Variants in CCDC150 observed in about 807,000 individuals in gnomAD.
CCDC150 encodes coiled-coil domain-containing protein 150.
Under a neutral mutation model 156.5 loss-of-function variants are expected in CCDC150, and 151 were observed. The observed-to-expected ratio is 0.97, with a 90% CI of 0.85 to 1.10. The LOEUF (loss-of-function observed/expected upper bound fraction) is 1.10. Ranked by LOEUF, CCDC150 falls within the 50% of genes least tolerant of loss-of-function variation. The probability of loss-of-function intolerance (pLI) is 0.00; values close to 1 mark genes in which losing one functional copy is unlikely to be tolerated. For synonymous variants in CCDC150, 452 were observed against 429.4 expected (o/e 1.05, Z -0.65); for missense variants, 1,312 against 1,268.1 (o/e 1.03, Z -0.53).
Position 196,640,746 on chromosome 2 carries a change from C to T in CCDC150, c.12+968C>T, listed in dbSNP as rs1398930904. Among the ~76,000 whole-genome samples, 5 of 152,212 alleles carry T rather than the reference C, an allele frequency of 3.3e-5. No individual in the cohort carries two copies. In the East Asian group the frequency reaches 9.6e-4, roughly 29 times the overall value. On this transcript the variant is annotated intron_variant, in intron 1 of 27. Transcript: ENST00000389175. Reference sequence around the variant, plus strand: ...TCTTTCAAGTATATCTAACCACTAACCACTTCTTACAGTAGGAATACCGCT... The same window carrying T: ...TCTTTCAAGTATATCTAACCACTAATCACTTCTTACAGTAGGAATACCGCT...
chr2:196,667,042 A>G (rs991718323), intron 7 of CCDC150, 194 bp downstream of exon 7: 24 of 600,374 alleles, frequency 4.0e-5, no homozygotes, highest in Non-Finnish European at 6.2e-5. Context: ...AATATATTTG[A>G]CCCTGTTAAT....
chr2:196,706,654 A>G (rs181106154), intron 15 of CCDC150, among the ~76,000 whole-genome samples: 27 of 152,318 alleles, frequency 1.8e-4, no homozygotes, highest in Admixed American at 1.2e-3. Context: ...TCAGTTTTTC[A>G]TAAATAGCTC....
chr2:196,682,079 T>A (rs767171431), intron 13 of CCDC150, among the ~76,000 whole-genome samples: 25 of 151,976 alleles, frequency 1.6e-4, no homozygotes, highest in Non-Finnish European at 3.5e-4. Flanking sequence ...AAAATTTTTT[T>A]AATAGTTTTA....
chr2:196,713,357 A>G (rs1186832566), intron 17 of CCDC150: 2 of 1,461,280 alleles, frequency 1.4e-6, no homozygotes, highest in Non-Finnish European at 9.0e-7. Context: ...ATAATTGACG[A>G]TGCCTCTAAG....
Position 196,718,534 on chromosome 2 carries a change from A to T in CCDC150, c.1898A>T (p.Glu633Val). The T allele has an allele frequency of 6.2e-7, 1 of 1,612,860 alleles. No homozygotes were observed. Among genetic ancestry groups the T allele is most frequent in the Non-Finnish European group, 8.5e-7 (1 of 1,179,258 alleles). Residue 633 changes from glutamate to valine, a missense_variant, in exon 18 of 28, where the codon GAG (glutamate) becomes GTG (valine). Glu to Val is a moderately radical substitution (Grantham distance 121). Coordinates refer to ENST00000389175, the MANE Select transcript of CCDC150 (RefSeq NM_001080539.2). ...VKSILERSKEELSRTVKCRNA... is the reference protein window; with the variant it reads ...VKSILERSKEVLSRTVKCRNA... ...TCTATTCTTGAAAGAAGTAAAGAGG[A>T]GCTGTCCCGAACAGTGAAGTGTCGT...
chr2:196,648,065 A>G (rs1051188123), intron 2 of CCDC150, among the ~76,000 whole-genome samples: 2 of 152,060 alleles, frequency 1.3e-5, no homozygotes, highest in Non-Finnish European at 1.5e-5. Flanking sequence ...TTGTTTCTAT[A>G]TCTTGGCTAT....
intron 17 of CCDC150, among the ~76,000 whole-genome samples, chr2:196,716,074 T>G (rs2125698325): frequency 6.6e-6 from 1 of 152,326 alleles, no homozygotes; most frequent in South Asian, 2.1e-4. Flanking sequence ...TCAGCAAAGT[T>G]ATGTGGCTGG....
chr2:196,731,554 C>T (rs1698526063), intron 26 of CCDC150, among the ~76,000 whole-genome samples: 1 of 151,370 alleles, frequency 6.6e-6, no homozygotes, highest in African/African-American at 2.4e-5. Context: ...GCACCATGCC[C>T]AGCTAATTTT....
chr2:196,673,290 G>A (rs1255123890), intron 9 of CCDC150, among the ~76,000 whole-genome samples: 2 of 152,156 alleles, frequency 1.3e-5, no homozygotes, highest in Non-Finnish European at 2.9e-5. Context: ...GATGTACAGA[G>A]AAGTTCAGGA....
At chr2:196,676,414 C>T in intron 11 of CCDC150, 140 bp from the exon 12 acceptor site, 2 of 1,292,504 alleles carry the variant, frequency 1.5e-6, no homozygotes, top group Non-Finnish European at 2.1e-6. Flanking sequence ...AAGACTCTGC[C>T]CTCAAGAAAC....
At chr2:196,722,347 C>T (rs182361848) in intron 21 of CCDC150, among the ~76,000 whole-genome samples, 20 of 152,214 alleles carry the variant, frequency 1.3e-4, no homozygotes, top group Admixed American at 1.0e-3. Context: ...GTGATCATGG[C>T]TCACTGCAGC....
At chr2:196,662,466 G>A (rs1693611417) in intron 5 of CCDC150, among the ~76,000 whole-genome samples, 1 of 152,136 alleles carries the variant, frequency 6.6e-6, no homozygotes, top group African/African-American at 2.4e-5. Flanking sequence ...CTCATAAGAA[G>A]CGTGCAACCT....
intron 13 of CCDC150, among the ~76,000 whole-genome samples, chr2:196,693,160 T>C (rs1001240906): frequency 6.6e-6 from 1 of 152,236 alleles, no homozygotes; most frequent in Non-Finnish European, 1.5e-5. Flanking sequence ...TCCATTTGCT[T>C]GGTAGATTCT....
chr2:196,685,839 C>A (rs1695094409), intron 13 of CCDC150, among the ~76,000 whole-genome samples: 1 of 152,052 alleles, frequency 6.6e-6, no homozygotes, highest in Non-Finnish European at 1.5e-5. Flanking sequence ...TGGTCTTGAT[C>A]TCCTGACCTC....
chr2:196,676,470 T>G, intron 11 of CCDC150, 84 bp from the exon 12 acceptor site: 1 of 1,356,560 alleles, frequency 7.4e-7, no homozygotes, highest in South Asian at 1.4e-5. Flanking sequence ...TCAGGAAATA[T>G]GTTCTATAAG....
chr2:196,644,513 TAC>T (rs1692420929), intron 1 of CCDC150, among the ~76,000 whole-genome samples: 1 of 152,146 alleles, frequency 6.6e-6, no homozygotes, highest in Admixed American at 6.5e-5. Flanking sequence ...AGGAATACTA[TAC>T]TGGCTCATGT....
chr2:196,706,137 A>G (rs573521687), intron 15 of CCDC150, among the ~76,000 whole-genome samples: 49 of 152,342 alleles, frequency 3.2e-4, no homozygotes, highest in African/African-American at 1.0e-3. Context: ...CAGTATGGCC[A>G]TACGGCATTA....
intron 15 of CCDC150, among the ~76,000 whole-genome samples, chr2:196,707,132 G>T (rs755674413): frequency 6.6e-6 from 1 of 152,094 alleles, no homozygotes; most frequent in Non-Finnish European, 1.5e-5. Context: ...CTGTGAATCC[G>T]TCTGGTCCTG....
intron 19 of CCDC150, 106 bp downstream of exon 19, chr2:196,719,772 A>C (rs1354017949): frequency 8.8e-6 from 6 of 679,942 alleles, no homozygotes; most frequent in Non-Finnish European, 1.1e-5. Context: ...TTACAAAAAA[A>C]AAAATTGCAA....
Sources: gnomAD v4.1 joint callset for allele counts (sites outside exome capture counted in the v4.1 genomes callset) on GRCh38, gnomAD v4.1.1 for gene constraint, MANE v1.5 for transcripts, NCBI Gene and HGNC (gene_info 2026-07-23, HGNC 2026-07-21) for gene names.